Variants in TMTC1 observed in about 807,000 individuals in gnomAD.
TMTC1 encodes the protein transmembrane O-mannosyltransferase targeting cadherins 1.
Under a neutral mutation model 104.8 loss-of-function variants are expected in TMTC1, and 73 were observed. The ratio of observed to expected loss-of-function variants is 0.70; its 90% confidence interval spans 0.58 to 0.85. The LOEUF is 0.85. Among genes scored for constraint, TMTC1 ranks in the 40% least tolerant of loss-of-function variants. TMTC1 has a pLI of 0.00. For synonymous variants in TMTC1, 434 were observed against 428.7 expected (o/e 1.01, Z -0.15); for missense variants, 1,035 against 1,096.1 (o/e 0.94, Z 0.79).
chr12:29,677,058 C>G (rs893748480), intron 5 of TMTC1, among the ~76,000 whole-genome samples: 1 of 152,210 alleles, frequency 6.6e-6, no homozygotes, highest in South Asian at 2.1e-4. Context: ...ACAGATATCC[C>G]TCTGCCTAAA....
intron 15 of TMTC1, 72 bp from the exon 16 acceptor site, chr12:29,514,676 T>A: frequency 6.6e-7 from 1 of 1,510,978 alleles, no homozygotes; most frequent in Non-Finnish European, 8.9e-7. Flanking sequence ...CTGATCAAAT[T>A]TATACTTTTT....
At chr12:29,593,686 C>T (rs922313972) in intron 7 of TMTC1, among the ~76,000 whole-genome samples, 15 of 152,174 alleles carry the variant, frequency 9.9e-5, no homozygotes, top group Non-Finnish European at 1.6e-4. Flanking sequence ...AAACCTCTCC[C>T]TACTCTTCAA....
intron 7 of TMTC1, among the ~76,000 whole-genome samples, chr12:29,595,568 G>A (rs941809446): frequency 3.3e-5 from 5 of 152,168 alleles, no homozygotes; most frequent in African/African-American, 1.2e-4. Context: ...CCTGGGCACT[G>A]CCCTCAAGAG....
intron 5 of TMTC1, among the ~76,000 whole-genome samples, chr12:29,666,886 C>G (rs535676702): frequency 6.6e-6 from 1 of 152,266 alleles, no homozygotes; most frequent in East Asian, 1.9e-4. Context: ...TCTTAATTGA[C>G]TTAACTTCCT....
At chr12:29,680,956 G>A (rs1000292143) in intron 5 of TMTC1, among the ~76,000 whole-genome samples, 9 of 151,886 alleles carry the variant, frequency 5.9e-5, no homozygotes, top group South Asian at 2.1e-4. Flanking sequence ...AAAATTAGCC[G>A]GGCATGGTGG....
chr12:29,710,785 T>G (rs1941884795), intron 5 of TMTC1, among the ~76,000 whole-genome samples: 1 of 121,248 alleles, frequency 8.2e-6, no homozygotes, highest in African/African-American at 3.1e-5. Context: ...TAATAATAAA[T>G]ATATTAATAC....
chr12:29,778,925 G>T (rs1203655873), intron 1 of TMTC1, among the ~76,000 whole-genome samples: 1 of 152,226 alleles, frequency 6.6e-6, no homozygotes, highest in African/African-American at 2.4e-5. Flanking sequence ...GGAAGAGAGG[G>T]TGAATGGACT....
rs1243708041 is a variant in TMTC1 at position 29,783,410 on chromosome 12, AGAG to A, written c.302+37_302+39del. 1 of 1,278,228 alleles carries A rather than the reference AGAG, an allele frequency of 7.8e-7. No homozygotes were observed. Among genetic ancestry groups the A allele is most frequent in the Non-Finnish European group, 9.9e-7 (1 of 1,008,294 alleles). The allele number at this position is 1,278,228 out of a possible 1,614,324, so 79.2% of individuals were successfully genotyped here. ...CCGGTCCGAGGGACGGGCGGAGGGTAGAGGAGGCAGCGGCGGCTAGCGCGAGGT... is the reference window on the plus strand; with the variant it reads ...CCGGTCCGAGGGACGGGCGGAGGGTAGAGGCAGCGGCGGCTAGCGCGAGGT... On this transcript the variant is annotated intron_variant, in intron 1 of 17. Coordinates refer to ENST00000539277, the MANE Select transcript of TMTC1 (RefSeq NM_001193451.2). The surrounding 1 kb of genome is among the most constrained non-coding windows in gnomAD (Gnocchi z 4.7).
chr12:29,549,898 C>T (rs754874303), intron 10 of TMTC1, among the ~76,000 whole-genome samples: 14 of 152,160 alleles, frequency 9.2e-5, no homozygotes, highest in Admixed American at 1.3e-4. Flanking sequence ...TCCCATTCAA[C>T]TCAGATTTGT....
chr12:29,566,120 G>A (rs1014395213), intron 9 of TMTC1, among the ~76,000 whole-genome samples: 1 of 152,078 alleles, frequency 6.6e-6, no homozygotes, highest in Non-Finnish European at 1.5e-5. Context: ...TCAGTGGGGT[G>A]GCCCAGGGAG....
intron 11 of TMTC1, among the ~76,000 whole-genome samples, chr12:29,521,486 C>G (rs907907547): frequency 2.6e-5 from 4 of 151,806 alleles, no homozygotes; most frequent in Non-Finnish European, 4.4e-5. Flanking sequence ...CCCTTGTGTT[C>G]TCTTTGTCTA....
intron 6 of TMTC1, among the ~76,000 whole-genome samples, chr12:29,629,237 C>T (rs557833676): frequency 4.0e-5 from 6 of 151,722 alleles, no homozygotes; most frequent in South Asian, 2.1e-4. Flanking sequence ...AAGAGAATGG[C>T]GTGAACCCGG....
chr12:29,709,507 C>T (rs893654932), intron 5 of TMTC1, among the ~76,000 whole-genome samples: 7 of 151,784 alleles, frequency 4.6e-5, no homozygotes, highest in African/African-American at 1.4e-4. Context: ...TAAGAAAGAA[C>T]AATACATTTC....
chr12:29,577,075 C>T (rs774840508), intron 8 of TMTC1, among the ~76,000 whole-genome samples: 3 of 152,018 alleles, frequency 2.0e-5, no homozygotes, highest in Non-Finnish European at 4.4e-5. Flanking sequence ...CAGCAATGCC[C>T]AATGTTGGCA....
rs1243676553 is a variant in TMTC1 at position 29,732,092 on chromosome 12, A to G, written c.938+19574T>C. 3.9e-5 allele frequency among the ~76,000 whole-genome samples: 6 copies of G among 152,320 alleles called. No homozygotes were observed. In the East Asian group the frequency reaches 1.2e-3, roughly 29 times the overall value. On this transcript the variant is annotated intron_variant, in intron 5 of 17. Coordinates refer to ENST00000539277, the MANE Select transcript of TMTC1 (RefSeq NM_001193451.2). ...GTAACTTTTTTTTAAAAGACCCTAG[A>G]AAGACTTCAAAATCTTTTTGAAAAG...
At chr12:29,781,615 C>T (rs1055860685) in intron 1 of TMTC1, among the ~76,000 whole-genome samples, 13 of 152,130 alleles carry the variant, frequency 8.5e-5, no homozygotes, top group African/African-American at 2.7e-4. Context: ...TCGCTTAGCC[C>T]AGGAGTTCAA....
Position 29,572,237 on chromosome 12 carries a change from TA to T in TMTC1, c.1419-20del. ...TCCAGACCTAAAATGAATAAATTTT[TA>T]AAAAGAATTATTTGACAAAGAATAT... On this transcript the variant is annotated intron_variant, in intron 8 of 17. Coordinates refer to ENST00000539277, the MANE Select transcript of TMTC1 (RefSeq NM_001193451.2). 6.5e-7 allele frequency: 1 copy of T among 1,549,824 alleles called. No individual in the cohort carries two copies. The highest frequency in any genetic ancestry group is 2.2e-5 in the East Asian group (1 of 44,488).
intron 5 of TMTC1, chr12:29,660,934 C>A: frequency 8.8e-7 from 1 of 1,142,744 alleles, no homozygotes; most frequent in South Asian, 1.8e-5. Flanking sequence ...CTACCAGACA[C>A]AATGTTCTCC....
intron 5 of TMTC1, among the ~76,000 whole-genome samples, chr12:29,658,151 A>G (rs897801736): frequency 2.6e-5 from 4 of 152,072 alleles, no homozygotes; most frequent in Admixed American, 2.6e-4. Flanking sequence ...TGTTGTCCCT[A>G]AGAGATATGA....
Sources: allele counts gnomAD v4.1 joint callset (sites outside exome capture counted in the v4.1 genomes callset), GRCh38; gene constraint gnomAD v4.1.1; non-coding constraint Gnocchi (gnomAD v3.1); transcripts MANE v1.5; gene names NCBI Gene and HGNC (gene_info 2026-07-23, HGNC 2026-07-21).